The following CFAP100 variants were observed in gnomAD, a reference collection of about 807,000 sequenced individuals.
CFAP100 encodes the protein cilia and flagella associated protein 100, also known as cilia- and flagella-associated protein 100.
CFAP100 carries 70 observed loss-of-function variants against 81.5 expected under a neutral mutation model. The ratio of observed to expected loss-of-function variants is 0.86; its 90% CI spans 0.71 to 1.05. The LOEUF (loss-of-function observed/expected upper bound fraction) is 1.05, where lower values mean the gene tolerates loss of function less well. CFAP100 is among the 50% of genes least tolerant of loss of function. The pLI, the probability that CFAP100 is intolerant of heterozygous loss-of-function variation, is 0.00. For synonymous variants in CFAP100, 341 were observed against 314.8 expected (o/e 1.08, Z -0.88); for missense variants, 811 against 776.5 (o/e 1.04, Z -0.53).
chr3:126,420,348 T>TTCTTGGAGTAGGG, intron 11 of CFAP100, 119 bp downstream of exon 11: 1 of 1,397,892 alleles, frequency 7.2e-7, no homozygotes, highest in Non-Finnish European at 9.6e-7. Flanking sequence ...TCACAGTCCC[T>TTCTTGGAGTAGGG]ACTCCAAGAA....
Position 126,419,111 on chromosome 3 carries a change from T to C in CFAP100, c.686T>C (p.Ile229Thr), listed in dbSNP as rs752166411. The C allele has an allele frequency of 9.3e-6, 14 of 1,506,480 alleles. No individual in the cohort carries two copies. In the Admixed American group the frequency reaches 2.6e-4, roughly 28 times the overall value. 93.3% of individuals were successfully genotyped at this position (1,506,480 alleles called of 1,614,324 possible). Reference sequence around the variant, plus strand: ...GAGACCAAAGCCAAGATAGAGAAGATCCTTGAGATCCGGGACCTCACCACC... The same window carrying C: ...GAGACCAAAGCCAAGATAGAGAAGACCCTTGAGATCCGGGACCTCACCACC... The part of the protein sequence containing the change: ...EKETKAKIEK[I>T]LEIRDLTTQI... Residue 229 changes from isoleucine to threonine, a missense_variant, in exon 8 of 17, where the codon ATC (isoleucine) becomes ACC (threonine). Physicochemically the swap from Ile to Thr is moderately conservative, Grantham distance 89. Coordinates refer to ENST00000352312, the MANE Select transcript of CFAP100 (RefSeq NM_182628.3).
chr3:126,427,684 T>C (rs1933015835), intron 13 of CFAP100, among the ~76,000 whole-genome samples: 1 of 152,254 alleles, frequency 6.6e-6, no homozygotes, highest in South Asian at 2.1e-4. Flanking sequence ...TAGCAATGAA[T>C]GAGACTTCCT....
chr3:126,429,299 T>C (rs1377967964), intron 13 of CFAP100, among the ~76,000 whole-genome samples: 1 of 152,146 alleles, frequency 6.6e-6, no homozygotes, highest in Non-Finnish European at 1.5e-5. Flanking sequence ...TGGTAGGTTG[T>C]ATGTTTCTAG....
chr3:126,398,129 C>T (rs990757283), intron 2 of CFAP100, among the ~76,000 whole-genome samples: 2 of 152,130 alleles, frequency 1.3e-5, no homozygotes, highest in Non-Finnish European at 2.9e-5. Context: ...GAACGCTGTT[C>T]CCTAAGCCTT....
At chr3:126,413,575 C>CA (rs2083189666) in intron 3 of CFAP100, among the ~76,000 whole-genome samples, 1 of 152,262 alleles carries the variant, frequency 6.6e-6, no homozygotes, top group Non-Finnish European at 1.5e-5. Context: ...CAAAGCTTCA[C>CA]AAGCCCCTCT....
intron 14 of CFAP100, 103 bp from the exon 15 acceptor site, chr3:126,434,073 G>T: frequency 1.0e-6 from 1 of 952,410 alleles, no homozygotes; most frequent in Non-Finnish European, 1.6e-6. Flanking sequence ...TGTGCCAAGC[G>T]GTGGCCCCCA....
intron 13 of CFAP100, among the ~76,000 whole-genome samples, chr3:126,424,102 C>T (rs1307698898): frequency 1.3e-5 from 2 of 152,246 alleles, no homozygotes; most frequent in African/African-American, 4.8e-5. Flanking sequence ...AGCGGGTGTT[C>T]GCGGCACAGA....
At chr3:126,426,156 A>G (rs557683875) in intron 13 of CFAP100, among the ~76,000 whole-genome samples, 2 of 152,372 alleles carry the variant, frequency 1.3e-5, no homozygotes, top group East Asian at 1.9e-4. Context: ...AGAAAATTCA[A>G]AACAATCAAC....
At chr3:126,421,236 T>C (rs956124486) in intron 11 of CFAP100, among the ~76,000 whole-genome samples, 3 of 152,182 alleles carry the variant, frequency 2.0e-5, no homozygotes, top group African/African-American at 7.2e-5. Context: ...ACTCCTGACC[T>C]CAGGTGATCC....
chr3:126,435,108 C>T (rs1179737585), intron 15 of CFAP100, among the ~76,000 whole-genome samples: 2 of 152,166 alleles, frequency 1.3e-5, no homozygotes, highest in African/African-American at 2.4e-5. Context: ...GTCCCTGGTA[C>T]CCTGCTCAGA....
intron 13 of CFAP100, among the ~76,000 whole-genome samples, chr3:126,423,871 G>T (rs1393676292): frequency 2.6e-5 from 4 of 152,242 alleles, no homozygotes; most frequent in African/African-American, 9.6e-5. Context: ...CCACCCTGAA[G>T]CAGCCCATGG....
At chr3:126,407,459 G>A (rs540254463) in intron 3 of CFAP100, among the ~76,000 whole-genome samples, 3 of 152,274 alleles carry the variant, frequency 2.0e-5, no homozygotes, top group East Asian at 3.9e-4. Context: ...AATGTGGGAC[G>A]AAATGCAGAC....
chr3:126,426,043 T>C (rs1279365706), intron 13 of CFAP100, among the ~76,000 whole-genome samples: 2 of 152,212 alleles, frequency 1.3e-5, no homozygotes, highest in African/African-American at 4.8e-5. Flanking sequence ...TTCAATATTG[T>C]ATTGGAAGTC....
At chr3:126,431,011 C>T (rs575066348) in intron 13 of CFAP100, among the ~76,000 whole-genome samples, 70 of 152,272 alleles carry the variant, frequency 4.6e-4, no homozygotes, top group African/African-American at 1.5e-3. Context: ...TTGCTATCTG[C>T]ACATTTGAAG....
chr3:126,426,426 C>G (rs1291743483), intron 13 of CFAP100, among the ~76,000 whole-genome samples: 1 of 150,654 alleles, frequency 6.6e-6, no homozygotes, highest in African/African-American at 2.4e-5. Context: ...CTATACTCCA[C>G]CCTGGGTGAC....
chr3:126,434,217 G>A lies in CFAP100; in HGVS notation c.1464G>A (p.Val488=). The A allele has an allele frequency of 6.2e-7, 1 of 1,613,852 alleles. No individual in the cohort carries two copies. Among genetic ancestry groups the A allele is most frequent in the South Asian group, 1.1e-5 (1 of 91,050 alleles). ...GCCTGAACTGCAAGGTGCTGGATGT[G>A]TACCGGCACTGCACCGGCACCCAGC... ...LESLNCKVLD[V]YRHCTGTQQE... The change falls in exon 15 of 17, where the codon GTG becomes GTA. Residue 488 remains valine (V), a synonymous_variant. Coordinates refer to ENST00000352312, the MANE Select transcript of CFAP100 (RefSeq NM_182628.3).
intron 13 of CFAP100, 166 bp from the exon 14 acceptor site, chr3:126,432,903 T>A (rs1273699690): frequency 1.8e-6 from 1 of 546,286 alleles, no homozygotes; most frequent in African/African-American, 1.9e-5. Flanking sequence ...CCCTACATTC[T>A]ACCAGCATTT....
chr3:126,434,026 A>G (rs1315163997), intron 14 of CFAP100, 150 bp from the exon 15 acceptor site: 2 of 667,814 alleles, frequency 3.0e-6, no homozygotes, highest in African/African-American at 3.7e-5. Flanking sequence ...CAGTTCCCCA[A>G]GTTCTGTTTT....
In CFAP100 at chr3:126,436,287, G is replaced by A. The variant is rs762141175; in HGVS notation, c.1723-4G>A. 1.2e-6 allele frequency: 2 copies of A among 1,612,210 alleles called. No individual in the cohort carries two copies. Among genetic ancestry groups the A allele is most frequent in the Non-Finnish European group, 1.7e-6 (2 of 1,178,746 alleles). On this transcript the variant is annotated splice_region_variant and splice_polypyrimidine_tract_variant and intron_variant, in intron 16 of 16. Coordinates refer to ENST00000352312, the MANE Select transcript of CFAP100 (RefSeq NM_182628.3). ...AAGGCTCACTGGGCTTGTTTCCCCT[G>A]CAGAGAGGCAGGACACTGGTATGCC...
Sources: gnomAD v4.1 joint callset for allele counts (sites outside exome capture counted in the v4.1 genomes callset) on GRCh38, gnomAD v4.1.1 for gene constraint, MANE v1.5 for transcripts, NCBI Gene and HGNC (gene_info 2026-07-23, HGNC 2026-07-21) for gene names.